Variants in TCF25 observed in about 807,000 individuals in gnomAD.
TCF25 encodes TCF25 ribosome quality control complex subunit, also known as ribosome quality control complex subunit TCF25.
In TCF25, 41 loss-of-function variants were observed where a neutral mutation model predicts 83.1. That is an observed-to-expected ratio of 0.49 (90% CI 0.38 to 0.64). TCF25 has a LOEUF of 0.64. TCF25 is among the 30% of genes least tolerant of loss of function. TCF25 has a pLI of 0.00. For missense variants in TCF25, 979 were observed against 914.5 expected (o/e 1.07, Z -0.91); for synonymous variants, 458 against 365.0 (o/e 1.25, Z -2.90).
intron 5 of TCF25, chr16:89,889,857 C>G (rs2043292645): frequency 6.7e-6 from 1 of 149,916 alleles, no homozygotes; most frequent in Non-Finnish European, 1.5e-5. Flanking sequence ...GTCTGCACGT[C>G]TGAGTTCTAA....
intron 15 of TCF25, among the ~76,000 whole-genome samples, 162 bp from the exon 16 acceptor site, chr16:89,907,081 G>A (rs1266991728): frequency 6.6e-6 from 1 of 152,028 alleles, no homozygotes; most frequent in African/African-American, 2.4e-5. Flanking sequence ...CTCACCCAAA[G>A]CTCGTTGGTA....
chr16:89,881,113 A>T (rs572267872), intron 1 of TCF25, among the ~76,000 whole-genome samples: 2 of 152,190 alleles, frequency 1.3e-5, no homozygotes, highest in Non-Finnish European at 2.9e-5. Flanking sequence ...GGCGTTTAAG[A>T]TGCTCCTGAA....
intron 2 of TCF25, chr16:89,883,762 G>A (rs1342568284): frequency 3.8e-5 from 17 of 450,924 alleles, no homozygotes; most frequent in African/African-American, 1.2e-4. Flanking sequence ...AACCGCACAC[G>A]TGTGTCCCTC....
intron 12 of TCF25, among the ~76,000 whole-genome samples, chr16:89,903,228 G>C (rs1597369230): frequency 1.3e-5 from 2 of 152,258 alleles, no homozygotes; most frequent in South Asian, 4.1e-4. Context: ...ACTTACCCCA[G>C]AACACTGGAG....
chr16:89,907,180 T>C, intron 15 of TCF25, 63 bp from the exon 16 acceptor site: 1 of 1,534,068 alleles, frequency 6.5e-7, no homozygotes, highest in Non-Finnish European at 9.0e-7. Context: ...AGGACTCTGC[T>C]GGGAGAGGTA....
chr16:89,911,330 A>G lies in TCF25; in HGVS notation c.*92A>G. 6.6e-7 allele frequency: 1 copy of G among 1,517,922 alleles called. No individual in the cohort carries two copies. Among genetic ancestry groups the G allele is most frequent in the Non-Finnish European group, 9.0e-7 (1 of 1,108,772 alleles). The allele number at this position is 1,517,922 out of a possible 1,614,324, so 94.0% of individuals were successfully genotyped here. ...CCAGTTGCCTGAAGTAGGGAAGCTG[A>G]GTGTGTCGCTCCCTGGTCCACTGTT... is the stretch of plus-strand genomic sequence containing the variant. On this transcript the variant is annotated 3_prime_UTR_variant, in exon 18 of 18. Transcript: ENST00000263346.
At chr16:89,888,852 T>C (rs1424696907) in intron 5 of TCF25, among the ~76,000 whole-genome samples, 1 of 146,416 alleles carries the variant, frequency 6.8e-6, no homozygotes, top group Non-Finnish European at 1.5e-5. Context: ...TTTTTTTTTT[T>C]TTTTTTTTTT....
At chr16:89,882,584 GTCATTTTGTTTT>G (rs1417131423) in intron 1 of TCF25, among the ~76,000 whole-genome samples, 1 of 152,080 alleles carries the variant, frequency 6.6e-6, no homozygotes, top group African/African-American at 2.4e-5. Context: ...TTTATCGTAT[GTCATTTTGTTTT>G]TCTATTTTGA....
intron 1 of TCF25, among the ~76,000 whole-genome samples, chr16:89,878,798 G>A (rs533163812): frequency 9.9e-5 from 15 of 152,182 alleles, no homozygotes; most frequent in African/African-American, 3.1e-4. Context: ...CCACCACCAC[G>A]CCCGGCAAGT....
chr16:89,895,202 G>T, intron 8 of TCF25, 65 bp downstream of exon 8: 1 of 1,459,904 alleles, frequency 6.8e-7, no homozygotes, highest in Non-Finnish European at 9.5e-7. Context: ...CAAGACAGAT[G>T]CGATGGTGTA....
In TCF25 at chr16:89,906,206, C is replaced by G; in HGVS notation, c.1641C>G (p.Leu547=). The G allele has an allele frequency of 6.2e-7, 1 of 1,613,344 alleles. No individual in the cohort carries two copies. Among genetic ancestry groups the G allele is most frequent in the Non-Finnish European group, 8.5e-7 (1 of 1,179,972 alleles). Residue 547 remains leucine (L), a synonymous_variant, in exon 15 of 18, where the codon CTC becomes CTG. Transcript: ENST00000263346. ...VEACENRRKV[L]YQRAPRNIHR... is the part of the protein sequence containing the mutation. ...TCCCCGGCCCTAGGCGGAAGGTGCT[C>G]TACCAGCGTGCACCCAGGAATATCC... is the stretch of plus-strand genomic sequence containing the variant.
chr16:89,878,637 A>G (rs190787598), intron 1 of TCF25: 1 of 1,109,210 alleles, frequency 9.0e-7, no homozygotes, highest in East Asian at 8.0e-5. Flanking sequence ...GGTAGGTAAT[A>G]AGGTGTTTTG....
intron 1 of TCF25, among the ~76,000 whole-genome samples, chr16:89,881,710 G>A (rs1490319603): frequency 6.6e-6 from 1 of 151,780 alleles, no homozygotes; most frequent in African/African-American, 2.4e-5. Flanking sequence ...CTCCCAAAGC[G>A]CTGGGATTAT....
intron 13 of TCF25, chr16:89,904,728 T>C (rs2044632463): frequency 5.7e-6 from 4 of 704,364 alleles, no homozygotes; most frequent in Admixed American, 4.1e-5. Context: ...TCCTGCTTCC[T>C]AAAGAACATA....
chr16:89,873,963 G>A (rs2041951324), intron 1 of TCF25, 104 bp downstream of exon 1: 3 of 1,357,430 alleles, frequency 2.2e-6, no homozygotes, highest in South Asian at 1.5e-5. Context: ...TGCCAGGGGT[G>A]GGAAGGGTGA....
rs755859784 is a variant in TCF25, at chr16:89,896,024, C to T, written c.963C>T (p.His321=). 3.7e-5 allele frequency: 60 copies of T among 1,613,824 alleles called. No individual in the cohort carries two copies. Among genetic ancestry groups the T allele is most frequent in the Non-Finnish European group, 4.6e-5 (54 of 1,180,004 alleles). Residue 321 remains histidine, a synonymous_variant, in exon 9 of 18, where the codon CAC becomes CAT. Coordinates refer to ENST00000263346, the MANE Select transcript of TCF25 (RefSeq NM_014972.3). The part of the protein sequence containing the change: ...RALYSMECAF[H]PLFSLTSGAC... The stretch of plus-strand genomic sequence containing the variant: ...TGTACAGCATGGAATGTGCGTTCCA[C>T]CCCCTGTTCAGTCTCACCAGTGGGG...
At chr16:89,909,781 G>A (rs73265878) in intron 16 of TCF25, 11,861 of 152,390 alleles carry the variant, frequency 0.078, 1,319 homozygotes, top group African/African-American at 0.24. Flanking sequence ...CAGGGGAGAG[G>A]GTCCTTGTGT....
At chr16:89,904,799 C>G (rs764403605) in intron 13 of TCF25, 139 bp from the exon 14 acceptor site, 32 of 1,049,944 alleles carry the variant, frequency 3.0e-5, no homozygotes, top group African/African-American at 4.7e-5. Flanking sequence ...CTCAGGCCAG[C>G]AGCCCAGGGG....
At chr16:89,883,322 C>T (rs1341050241) in intron 1 of TCF25, 29 bp from the exon 2 acceptor site, 14 of 1,610,070 alleles carry the variant, frequency 8.7e-6, no homozygotes, top group East Asian at 4.5e-5. Flanking sequence ...TAAGTAACGC[C>T]CTGGCTCTTC....
Sources: gnomAD v4.1 joint callset for allele counts (sites outside exome capture counted in the v4.1 genomes callset) on GRCh38, gnomAD v4.1.1 for gene constraint, MANE v1.5 for transcripts, NCBI Gene and HGNC (gene_info 2026-07-23, HGNC 2026-07-21) for gene names.